Variants in LTBP1 observed in about 807,000 individuals in gnomAD.
The protein encoded by LTBP1 is latent-transforming growth factor beta-binding protein 1.
In LTBP1, 129 loss-of-function variants were observed where a neutral mutation model predicts 207.6. That is an observed-to-expected ratio of 0.62 (90% CI 0.54 to 0.72). The LOEUF (loss-of-function observed/expected upper bound fraction) is 0.72, where lower values mean the gene tolerates loss of function less well. LTBP1 is among the 30% of genes least tolerant of loss of function. LTBP1 has a pLI of 0.00. For missense variants in LTBP1, 2,281 were observed against 2,217.2 expected (o/e 1.03, Z -0.58); for synonymous variants, 963 against 833.7 (o/e 1.16, Z -2.67).
chr2:33,081,525 C>G (rs970838265), intron 3 of LTBP1, among the ~76,000 whole-genome samples: 2 of 152,040 alleles, frequency 1.3e-5, no homozygotes, highest in African/African-American at 4.8e-5. Flanking sequence ...ATTCCGTGCT[C>G]AATCCATCAG....
chr2:33,322,351 G>T (rs1010851774), intron 24 of LTBP1, among the ~76,000 whole-genome samples: 1 of 152,138 alleles, frequency 6.6e-6, no homozygotes, highest in Non-Finnish European at 1.5e-5. Context: ...CTCCTTTGAT[G>T]TCAACAACCC....
At position 33,197,421 on chromosome 2, in the gene LTBP1, T is replaced by G. The variant is rs143803522; in HGVS notation, c.1701+8570T>G. Among the ~76,000 whole-genome samples the G allele has an allele frequency of 2.8e-4, 42 of 152,326 alleles. No homozygotes were observed. In the East Asian group the frequency reaches 5.4e-3, roughly 20 times the overall value. The stretch of plus-strand genomic sequence containing the variant: ...AATCACCAGCCACTTCAGGGTAATC[T>G]CATTTTTCACAGGCTTCAAACCCGA... On this transcript the variant is annotated intron_variant, in intron 7 of 33. Coordinates refer to ENST00000404816, the MANE Select transcript of LTBP1 (RefSeq NM_206943.4).
chr2:33,390,734 C>A (rs2095308118), intron 32 of LTBP1, among the ~76,000 whole-genome samples: 1 of 152,140 alleles, frequency 6.6e-6, no homozygotes. Flanking sequence ...TCAAGTGATT[C>A]ATCCGCCTCG....
At chr2:33,146,050 G>T (rs2083005436) in intron 5 of LTBP1, among the ~76,000 whole-genome samples, 1 of 152,134 alleles carries the variant, frequency 6.6e-6, no homozygotes, top group African/African-American at 2.4e-5. Flanking sequence ...ACTTCTGAAG[G>T]ATCTCATTTA....
chr2:33,221,268 T>A (rs1993306), intron 8 of LTBP1, among the ~76,000 whole-genome samples: 22,847 of 152,100 alleles, frequency 0.15, 2,184 homozygotes, highest in East Asian at 0.21. Context: ...TAGATGGGAA[T>A]TACCCTCATT....
chr2:33,257,191 G>T (rs2092886813), intron 11 of LTBP1, 93 bp from the exon 12 acceptor site: 3 of 900,434 alleles, frequency 3.3e-6, no homozygotes, highest in Non-Finnish European at 5.2e-6. Context: ...CATTAGTGAT[G>T]ATTTATTAAG....
At chr2:33,020,069 C>T (rs1453697927) in intron 2 of LTBP1, among the ~76,000 whole-genome samples, 3 of 152,048 alleles carry the variant, frequency 2.0e-5, no homozygotes, top group Non-Finnish European at 2.9e-5. Flanking sequence ...GTACATACAT[C>T]CTTGCAAATA....
intron 10 of LTBP1, among the ~76,000 whole-genome samples, chr2:33,251,004 TC>T (rs2092667992): frequency 6.6e-6 from 1 of 152,134 alleles, no homozygotes; most frequent in East Asian, 1.9e-4. Context: ...CTAACTGCTA[TC>T]ACTGCTGGCA....
intron 12 of LTBP1, among the ~76,000 whole-genome samples, chr2:33,258,495 T>A (rs142203805): frequency 1.6e-4 from 24 of 152,258 alleles, no homozygotes; most frequent in Non-Finnish European, 2.5e-4. Context: ...CTGGCCTATT[T>A]GATTCTATGC....
intron 11 of LTBP1, among the ~76,000 whole-genome samples, chr2:33,256,442 T>G (rs2092853544): frequency 1.3e-5 from 2 of 151,976 alleles, no homozygotes; most frequent in Admixed American, 1.3e-4. Flanking sequence ...AAGCAAACTG[T>G]GAGGATTTCG....
Position 33,243,664 on chromosome 2 carries a change from A to T in LTBP1, c.1879A>T (p.Ile627Phe), listed in dbSNP as rs576347858. Residue 627 changes from isoleucine (I) to phenylalanine (F), a missense_variant and splice_region_variant, in exon 10 of 34, where the codon ATT becomes TTT. By Grantham distance (21) the Ile-to-Phe change is conservative. Around this residue, in one of 3 missense-constraint regions of LTBP1, gnomAD observed 1,671 missense variants for 1,634.8 expected, o/e 1.02. Coordinates refer to ENST00000404816, the MANE Select transcript of LTBP1 (RefSeq NM_206943.4). The stretch of plus-strand genomic sequence containing the variant: ...TAAAGAATTGTGTTTTCCTGCAGAT[A>T]TTAATGAATGTCAGCTACAAGGTGT... The part of the protein sequence containing the change: ...KRVNNTFCQD[I>F]NECQLQGVCP... The T allele has an allele frequency of 6.2e-7, 1 of 1,613,804 alleles. No individual in the cohort carries two copies. The highest frequency in any genetic ancestry group is 1.3e-5 in the African/African-American group (1 of 75,054).
At chr2:33,363,098 A>G (rs1395674514) in intron 28 of LTBP1, among the ~76,000 whole-genome samples, 1 of 152,218 alleles carries the variant, frequency 6.6e-6, no homozygotes, top group Non-Finnish European at 1.5e-5. Flanking sequence ...GGAACCATAG[A>G]CCATTTCATC....
At chr2:32,984,516 G>T (rs1249926603) in intron 2 of LTBP1, among the ~76,000 whole-genome samples, 2 of 152,192 alleles carry the variant, frequency 1.3e-5, no homozygotes, top group African/African-American at 4.8e-5. Flanking sequence ...CAGGACGAGA[G>T]AACTGAAACT....
intron 3 of LTBP1, among the ~76,000 whole-genome samples, chr2:33,026,025 G>A (rs542606003): frequency 1.5e-4 from 23 of 151,964 alleles, no homozygotes; most frequent in Non-Finnish European, 2.9e-4. Flanking sequence ...ACAATAAAAC[G>A]TAAGCTCATT....
At chr2:33,154,841 T>C (rs2083832783) in intron 5 of LTBP1, among the ~76,000 whole-genome samples, 1 of 152,122 alleles carries the variant, frequency 6.6e-6, no homozygotes, top group South Asian at 2.1e-4. Flanking sequence ...GGTGGGAGGA[T>C]AGCTTGACGT....
intron 15 of LTBP1, among the ~76,000 whole-genome samples, chr2:33,273,159 G>T (rs1454399950): frequency 4.6e-5 from 7 of 152,120 alleles, no homozygotes; most frequent in Admixed American, 4.6e-4. Context: ...TCTTTGGGGG[G>T]ATTAATGATA....
intron 4 of LTBP1, among the ~76,000 whole-genome samples, chr2:33,121,411 A>G (rs896035336): frequency 6.6e-6 from 1 of 152,180 alleles, no homozygotes; most frequent in African/African-American, 2.4e-5. Context: ...TCCGGAGAGC[A>G]GGTGAAAGGG....
At chr2:33,350,753 T>C (rs2094770288) in intron 26 of LTBP1, among the ~76,000 whole-genome samples, 1 of 143,904 alleles carries the variant, frequency 6.9e-6, no homozygotes, top group African/African-American at 2.4e-5. Flanking sequence ...ATATGAAATA[T>C]AGTCTGATGC....
intron 18 of LTBP1, among the ~76,000 whole-genome samples, chr2:33,276,234 A>G (rs1383001126): frequency 2.6e-5 from 4 of 152,340 alleles, no homozygotes; most frequent in African/African-American, 7.2e-5. Flanking sequence ...AGTCCGGACC[A>G]TTCATCTGGG....
Sources: allele counts gnomAD v4.1 joint callset (sites outside exome capture counted in the v4.1 genomes callset), GRCh38; gene constraint gnomAD v4.1.1; regional missense constraint gnomAD v4.1.1; transcripts MANE v1.5; gene names NCBI Gene and HGNC (gene_info 2026-07-23, HGNC 2026-07-21).